The following FBN3 variants were observed in gnomAD, a reference collection of about 807,000 sequenced individuals.
The protein encoded by FBN3 is fibrillin-3.
Under a neutral mutation model 330.1 loss-of-function variants are expected in FBN3, and 234 were observed. The observed-to-expected ratio is 0.71, with a 90% CI of 0.64 to 0.79. The LOEUF (loss-of-function observed/expected upper bound fraction) is 0.79, where lower values mean the gene tolerates loss of function less well. FBN3 is among the 30% of genes least tolerant of loss of function. The probability of loss-of-function intolerance (pLI) is 0.00; values close to 1 mark genes in which losing one functional copy is unlikely to be tolerated. For synonymous variants in FBN3, 1,458 were observed against 1,517.3 expected, an observed-to-expected ratio of 0.96 and a Z score of 0.91; for missense variants, 3,606 against 3,886.9, an observed-to-expected ratio of 0.93 and a Z score of 1.92.
intron 34 of FBN3, among the ~76,000 whole-genome samples, chr19:8,110,245 G>A (rs2082546409): frequency 6.6e-6 from 1 of 152,074 alleles, no homozygotes; most frequent in South Asian, 2.1e-4. Context: ...ACTTTTTAGA[G>A]ATGAGGTCTC....
intron 3 of FBN3, 77 bp from the exon 4 acceptor site, chr19:8,146,302 G>C: frequency 8.1e-7 from 1 of 1,231,736 alleles, no homozygotes; most frequent in Non-Finnish European, 1.2e-6. Context: ...GTCCGGGCTG[G>C]CCGGAACACC....
At chr19:8,100,297 T>G (rs1009708333) in intron 41 of FBN3, among the ~76,000 whole-genome samples, 1 of 151,984 alleles carries the variant, frequency 6.6e-6, no homozygotes, top group African/African-American at 2.4e-5. Flanking sequence ...GAAAGTGTAC[T>G]TAATGCCACT....
rs2082356386 is a variant in FBN3, at chr19:8,102,867, C to T, written c.4946G>A (p.Arg1649Lys). The T allele has an allele frequency of 6.2e-7, 1 of 1,614,026 alleles. No homozygotes were observed. The highest frequency in any genetic ancestry group is 1.1e-5 in the South Asian group (1 of 91,088). ...ATAGTGCCGGAAGCAGACACTCTTCCTCATATCTGTAGTTGGCACAAAGGA... is the reference window on the plus strand; with the variant it reads ...ATAGTGCCGGAAGCAGACACTCTTCTTCATATCTGTAGTTGGCACAAAGGA... Reference protein sequence around the residue: ...VNGGNNCMDMRKSVCFRHYNG... With the variant: ...VNGGNNCMDMKKSVCFRHYNG... Residue 1649 changes from arginine (R) to lysine (K), a missense_variant, in exon 40 of 64, where the codon AGG becomes AAG. Coordinates refer to ENST00000600128, the MANE Select transcript of FBN3 (RefSeq NM_032447.5).
At position 8,149,033 on chromosome 19, in the gene FBN3, G is replaced by C. The variant is rs1373314906; in HGVS notation, c.-18+416C>G. 6.6e-6 allele frequency among the ~76,000 whole-genome samples: 1 copy of C among 152,224 alleles called. No homozygotes were observed. The highest frequency in any genetic ancestry group is 1.5e-5 in the Non-Finnish European group (1 of 68,032). On this transcript the variant is annotated intron_variant, in intron 1 of 63. Transcript: ENST00000600128. The surrounding 1 kb of genome is among the most constrained non-coding windows in gnomAD (Gnocchi z 5.5). ...CTGCTTCTGCGAGCCACACCCTGGA[G>C]TTTGTGGAATGAATGAGCAGAGAAG...
intron 22 of FBN3, 115 bp downstream of exon 22, chr19:8,125,777 C>T (rs1375907046): frequency 6.0e-5 from 72 of 1,207,048 alleles, no homozygotes; most frequent in Non-Finnish European, 7.6e-5. Flanking sequence ...GGCGACAGAG[C>T]GAGACTCCAT....
chr19:8,139,647 C>T (rs1043086908), intron 8 of FBN3, among the ~76,000 whole-genome samples: 6 of 151,860 alleles, frequency 4.0e-5, no homozygotes, highest in Admixed American at 2.0e-4. Flanking sequence ...GGTGGATTGA[C>T]GGCTACAGCC....
At position 8,083,286 on chromosome 19, in the gene FBN3, C is replaced by T. The variant is rs1253957335; in HGVS notation, c.7174G>A (p.Ala2392Thr). The T allele has an allele frequency of 1.9e-6, 3 of 1,614,020 alleles. No homozygotes were observed. Among genetic ancestry groups the T allele is most frequent in the Admixed American group, 3.3e-5 (2 of 60,006 alleles). Residue 2392 changes from alanine to threonine, a missense_variant, in exon 57 of 64, where the codon GCC (alanine) becomes ACC (threonine). By Grantham distance (58) the Ala-to-Thr change is moderately conservative. Transcript: ENST00000600128. The stretch of plus-strand genomic sequence containing the variant: ...GCAGTAGCATCCGGTGTGTACCCGG[C>T]CTGACAGTGGCAGCGGAAGGAGCCA... ...SLGSFRCHCQAGYTPDATATT... is the reference protein window; with the variant it reads ...SLGSFRCHCQTGYTPDATATT...
intron 40 of FBN3, 80 bp from the exon 41 acceptor site, chr19:8,101,052 T>A (rs2082317565): frequency 2.5e-6 from 3 of 1,184,468 alleles, no homozygotes; most frequent in Admixed American, 4.3e-5. Flanking sequence ...GGACACCTCA[T>A]CCCTGGAGCC....
intron 47 of FBN3, 57 bp downstream of exon 47, chr19:8,094,389 A>ATGG (rs2082164381): frequency 3.2e-6 from 5 of 1,557,386 alleles, no homozygotes; most frequent in Non-Finnish European, 4.4e-6. Flanking sequence ...CATTTTATGG[A>ATGG]TGGAGAAAGA....
rs568043465 is a variant in FBN3, at chr19:8,144,942, C to A, written c.476G>T (p.Gly159Val). The change falls in exon 6 of 64, where the codon GGT becomes GTT. Residue 159 changes from glycine to valine, a missense_variant. Physicochemically the swap from Gly to Val is moderately radical, Grantham distance 109 (BLOSUM62 -3). Transcript: ENST00000600128. ...PICDRGCHNG[G>V]RCIGPNRCAC... ...GCAGCGGTTGGGCCCAATGCAGCGA[C>A]CCCCATTGTGGCAGCCGCGGTCACA... 6.2e-7 allele frequency: 1 copy of A among 1,612,284 alleles called. No homozygotes were observed. Among genetic ancestry groups the A allele is most frequent in the Admixed American group, 1.7e-5 (1 of 59,802 alleles).
chr19:8,135,992 G>C lies in FBN3; in HGVS notation c.1560C>G (p.Phe520Leu), dbSNP rs75321439. Residue 520 changes from phenylalanine (F) to leucine (L), a missense_variant, in exon 13 of 64, where the codon TTC becomes TTG. Transcript: ENST00000600128. ...GSFQCVCNAG[F>L]ELSPDGKNCV... is the part of the protein sequence containing the mutation. ...AGTTCTTGCCGTCAGGGCTGAGCTC[G>C]AAGCCTGCATTGCAGACACACTGGA... The C allele has an allele frequency of 7.1e-7, 1 of 1,409,674 alleles. No individual in the cohort carries two copies. The highest frequency in any genetic ancestry group is 9.5e-7 in the Non-Finnish European group (1 of 1,057,792). 87.3% of individuals were successfully genotyped at this position (1,409,674 alleles called of 1,614,324 possible).
intron 16 of FBN3, among the ~76,000 whole-genome samples, chr19:8,130,664 A>AAAG (rs1165459894): frequency 2.3e-3 from 49 of 21,724 alleles, no homozygotes; most frequent in Admixed American, 5.1e-3. Flanking sequence ...GGAAAGGAAA[A>AAAG]GAAAAGAAAA....
chr19:8,116,523 T>A (rs961477119), intron 29 of FBN3, 151 bp downstream of exon 29: 1 of 774,176 alleles, frequency 1.3e-6, no homozygotes, highest in Non-Finnish European at 2.1e-6. Context: ...GAGAAGCAAG[T>A]GCTGTTACAA....
In FBN3 at chr19:8,089,550, C is replaced by T; in HGVS notation, c.6371G>A (p.Cys2124Tyr). 6.2e-7 allele frequency: 1 copy of T among 1,614,088 alleles called. No individual in the cohort carries two copies. The highest frequency in any genetic ancestry group is 8.5e-7 in the Non-Finnish European group (1 of 1,179,958). The change falls in exon 51 of 64, where the codon TGT (cysteine) becomes TAT (tyrosine). Residue 2124 changes from cysteine (C) to tyrosine (Y), a missense_variant. Physicochemically the swap from Cys to Tyr is radical, Grantham distance 194. Transcript: ENST00000600128. ...GGGAAGGGCTGGCCACTCACCCACA[C>T]AGTTGATGCCAGTGAAGTCCAGGCT... ...GYSLDFTGIN[C>Y]VDTDECSVGH...
In FBN3 at chr19:8,131,392, G is replaced by T. The variant is rs1393034949; in HGVS notation, c.1991-104C>A. 133 of 1,482,204 alleles carry T rather than the reference G, an allele frequency of 9.0e-5. No individual in the cohort carries two copies. The highest frequency in any genetic ancestry group is 1.7e-4 in the Middle Eastern group (1 of 5,752). The allele number at this position is 1,482,204 out of a possible 1,614,324, so 91.8% of individuals were successfully genotyped here. On this transcript the variant is annotated intron_variant, in intron 15 of 63. Transcript: ENST00000600128. This position sits in a 1 kb window ranked among gnomAD's most constrained non-coding sequence, Gnocchi z 4.5. ...CCTCTGGTCTTGGGCAAGAGTTTGG[G>T]ACTAAGACACAACTCCAACCCCGGG...
rs767691659 is a variant in FBN3, at chr19:8,147,159, A to G, written c.195T>C (p.His65=). The change falls in exon 3 of 64, where the codon CAT becomes CAC. Residue 65 remains histidine (H), a synonymous_variant. Transcript: ENST00000600128. ...TCCTCCAGCCTGGACAGCAGTAGGC[A>G]TGGAACCGGGAGCCGCACACATTCG... The part of the protein sequence containing the change: ...QGPNVCGSRF[H]AYCCPGWRTF... 1.3e-6 allele frequency: 2 copies of G among 1,572,490 alleles called. No homozygotes were observed. The highest frequency in any genetic ancestry group is 4.7e-5 in the East Asian group (2 of 42,724).
At chr19:8,143,427 C>G (rs573498133) in intron 6 of FBN3, among the ~76,000 whole-genome samples, 23 of 152,138 alleles carry the variant, frequency 1.5e-4, no homozygotes, top group African/African-American at 5.1e-4. Flanking sequence ...CTTCTCTCCC[C>G]GTCCCTGCCA....
Position 8,126,292 on chromosome 19 carries a change from G to T in FBN3, c.2605+5C>A. On this transcript the variant is annotated splice_donor_5th_base_variant and intron_variant, in intron 21 of 63. Transcript: ENST00000600128. ...GGGGTGAGCTGGACACGGGCAGGCA[G>T]TTACCATCGCAGGTGACACCCGTCA... 6.3e-7 allele frequency: 1 copy of T among 1,585,952 alleles called. No homozygotes were observed.
rs2083072834 is a variant in FBN3, at chr19:8,129,376, AG to A, written c.2045-12del. The A allele has an allele frequency of 1.2e-6, 2 of 1,613,174 alleles. No homozygotes were observed. The highest frequency in any genetic ancestry group is 2.2e-5 in the South Asian group (2 of 90,968). On this transcript the variant is annotated splice_polypyrimidine_tract_variant and intron_variant, in intron 16 of 63. Coordinates refer to ENST00000600128, the MANE Select transcript of FBN3 (RefSeq NM_032447.5). This position sits in a 1 kb window ranked among gnomAD's most constrained non-coding sequence, Gnocchi z 4.5. ...CACACTCGTTGATGTCTGCGGCAGG[AG>A]GAGGGTGTGTCAGCAGCAGCAGAAG...
Sources: allele counts gnomAD v4.1 joint callset (sites outside exome capture counted in the v4.1 genomes callset), GRCh38; gene constraint gnomAD v4.1.1; non-coding constraint Gnocchi (gnomAD v3.1); transcripts MANE v1.5; gene names NCBI Gene and HGNC (gene_info 2026-07-23, HGNC 2026-07-21).